SMARCA4: variants seen among roughly 807,000 people sequenced by gnomAD.
SMARCA4 encodes SWI/SNF related BAF chromatin remodeling complex subunit ATPase 4.
Under a neutral mutation model 193.9 loss-of-function variants are expected in SMARCA4, and 31 were observed. That is an observed-to-expected ratio of 0.16 (90% CI 0.12 to 0.22). The LOEUF (loss-of-function observed/expected upper bound fraction) is 0.22, where lower values mean the gene tolerates loss of function less well. Ranked by LOEUF, SMARCA4 falls within the 10% of genes least tolerant of loss-of-function variation. The pLI is 1.00. For missense variants in SMARCA4, 1,148 were observed against 2,296.0 expected (o/e 0.50, Z 10.22); for synonymous variants, 942 against 933.1 (o/e 1.01, Z -0.17).
At chr19:10,992,698 C>T (rs1192290294) in intron 8 of SMARCA4, among the ~76,000 whole-genome samples, 1 of 151,800 alleles carries the variant, frequency 6.6e-6, no homozygotes, top group Non-Finnish European at 1.5e-5. Flanking sequence ...AAGCGATTTT[C>T]CTGCCTCAGC....
chr19:11,048,773 C>T (rs77287598), intron 30 of SMARCA4, among the ~76,000 whole-genome samples: 11,836 of 152,236 alleles, frequency 0.078, 572 homozygotes, highest in African/African-American at 0.13. Context: ...ACTTGCAGCC[C>T]CCTAGTTCGT....
At chr19:10,961,643 C>T (rs2083816636) in intron 1 of SMARCA4, 1 of 152,232 alleles carries the variant, frequency 6.6e-6, no homozygotes, top group South Asian at 2.1e-4. Flanking sequence ...TGTCCGGCGT[C>T]GGCCGGACAC....
At chr19:11,014,601 C>T (rs2089181296) in intron 16 of SMARCA4, among the ~76,000 whole-genome samples, 2 of 152,154 alleles carry the variant, frequency 1.3e-5, no homozygotes, top group South Asian at 4.1e-4. Context: ...TCCCCTCTGC[C>T]CTTCTTCCCC....
At chr19:11,045,553 C>T (rs1160450481) in intron 30 of SMARCA4, among the ~76,000 whole-genome samples, 2 of 152,130 alleles carry the variant, frequency 1.3e-5, no homozygotes, top group Non-Finnish European at 2.9e-5. Flanking sequence ...TTCCATTACA[C>T]CTTGGTTTTT....
intron 8 of SMARCA4, among the ~76,000 whole-genome samples, chr19:10,994,449 G>A (rs2086839721): frequency 6.9e-6 from 1 of 145,800 alleles, no homozygotes; most frequent in Non-Finnish European, 1.5e-5. Context: ...TCAGCCTCCC[G>A]AGTAGCTGGG....
rs1317759934 is a variant in SMARCA4 at position 11,030,148 on chromosome 19, A to G, written c.3383-582A>G. On this transcript the variant is annotated intron_variant, in intron 24 of 34. Transcript: ENST00000344626. This position sits in a 1 kb window ranked among gnomAD's most constrained non-coding sequence, Gnocchi z 5.5. ...CTCCTTGACTTGGGTTTTCTGGGGC[A>G]TGGGGACACTGATCCTGCCAGAAAG... 4.6e-5 allele frequency among the ~76,000 whole-genome samples: 7 copies of G among 152,308 alleles called. No homozygotes were observed. The East Asian group carries it at 1.4e-3, about 29-fold the overall frequency.
At chr19:10,979,175 T>C (rs2085368872) in intron 1 of SMARCA4, among the ~76,000 whole-genome samples, 1 of 152,126 alleles carries the variant, frequency 6.6e-6, no homozygotes, top group African/African-American at 2.4e-5. Flanking sequence ...ACCGTGTGTG[T>C]AGATGATACA....
intron 14 of SMARCA4, 83 bp downstream of exon 14, chr19:11,008,106 CT>C: frequency 7.0e-7 from 1 of 1,436,856 alleles, no homozygotes; most frequent in Non-Finnish European, 9.6e-7. Context: ...CCAGCCATCC[CT>C]AGCTGACATT....
Position 11,019,880 on chromosome 19 carries a change from CCTAA to C in SMARCA4, c.2616+182_2616+185del, listed in dbSNP as rs753774412. Among the ~76,000 whole-genome samples, 15 of 152,224 alleles carry C rather than the reference CCTAA, an allele frequency of 9.9e-5. No individual in the cohort carries two copies. Among genetic ancestry groups the C allele is most frequent in the Non-Finnish European group, 1.8e-4 (12 of 68,024 alleles). On this transcript the variant is annotated intron_variant, in intron 18 of 34. Transcript: ENST00000344626. The surrounding 1 kb of genome is among the most constrained non-coding windows in gnomAD (Gnocchi z 6.1). ...GTGGGGGCGACCTCAGGTTTACCTCCCTAACTGTCTCCAGGCAGGCCCTGAGTCA... is the reference window on the plus strand; with the variant it reads ...GTGGGGGCGACCTCAGGTTTACCTCCCTGTCTCCAGGCAGGCCCTGAGTCA...
At position 10,986,485 on chromosome 19, in the gene SMARCA4, C is replaced by G. The variant is rs1220576417; in HGVS notation, c.652C>G (p.Pro218Ala). The change falls in exon 4 of 35, where the codon CCA becomes GCA. Residue 218 changes from proline (P) to alanine (A), a missense_variant. Around this residue, in one of 17 missense-constraint regions of SMARCA4, gnomAD observed 257 missense variants for 276.5 expected, o/e 0.93. Coordinates refer to ENST00000344626, the MANE Select transcript of SMARCA4 (RefSeq NM_003072.5). The surrounding 1 kb of genome is among the most constrained non-coding windows in gnomAD (Gnocchi z 6.7). ...GATGCCCGGGATGCAGCAGCAGATGCCAACGCTACCTCCACCCTCGGTGTC... is the reference window on the plus strand; with the variant it reads ...GATGCCCGGGATGCAGCAGCAGATGGCAACGCTACCTCCACCCTCGGTGTC... Reference protein sequence around the residue: ...RPMPGMQQQMPTLPPPSVSAT... With the variant: ...RPMPGMQQQMATLPPPSVSAT... 3 of 1,551,216 alleles carry G rather than the reference C, an allele frequency of 1.9e-6. No homozygotes were observed. Among genetic ancestry groups the G allele is most frequent in the Non-Finnish European group, 1.7e-6 (2 of 1,148,682 alleles).
intron 30 of SMARCA4, among the ~76,000 whole-genome samples, chr19:11,055,680 A>G (rs1050809140): frequency 6.6e-6 from 1 of 152,216 alleles, no homozygotes; most frequent in Non-Finnish European, 1.5e-5. Context: ...CCATGGCCAC[A>G]GGGCAGGGCG....
chr19:11,018,626 G>A (rs2089589979), intron 16 of SMARCA4, among the ~76,000 whole-genome samples: 1 of 152,232 alleles, frequency 6.6e-6, no homozygotes, highest in South Asian at 2.1e-4. Flanking sequence ...CTCTGAAGCT[G>A]CATTTTCCCG....
intron 29 of SMARCA4, among the ~76,000 whole-genome samples, chr19:11,039,072 G>A (rs996650141): frequency 6.6e-6 from 1 of 152,006 alleles, no homozygotes; most frequent in Non-Finnish European, 1.5e-5. Flanking sequence ...AAAAAAAAAT[G>A]CCAGGCACAG....
chr19:11,061,451 C>CT (rs2076890738), intron 34 of SMARCA4, among the ~76,000 whole-genome samples: 1 of 151,944 alleles, frequency 6.6e-6, no homozygotes, highest in Admixed American at 6.6e-5. Flanking sequence ...TCTCGGCTCA[C>CT]TGCAAGCTCC....
intron 30 of SMARCA4, among the ~76,000 whole-genome samples, chr19:11,043,446 A>G (rs527352557): frequency 1.3e-5 from 2 of 152,326 alleles, no homozygotes; most frequent in Admixed American, 1.3e-4. Context: ...CCTAACTCCA[A>G]GGCTAAGTCC....
chr19:11,049,485 G>GTTTTTTT (rs56043428), intron 30 of SMARCA4, among the ~76,000 whole-genome samples: 1 of 142,880 alleles, frequency 7.0e-6, no homozygotes. Context: ...TGGGTTCTGT[G>GTTTTTTT]TTTTTTTTTT....
At chr19:11,042,916 T>C (rs1036687944) in intron 30 of SMARCA4, among the ~76,000 whole-genome samples, 2 of 152,148 alleles carry the variant, frequency 1.3e-5, no homozygotes, top group African/African-American at 4.8e-5. Flanking sequence ...TGGAGGTTGC[T>C]GTGGACCAAG....
At chr19:11,059,091 A>G in intron 32 of SMARCA4, 2 of 569,414 alleles carry the variant, frequency 3.5e-6, no homozygotes, top group Non-Finnish European at 6.3e-6. Context: ...CCTGGGCAAC[A>G]TAACAAGACC....
rs1243522305 is a variant in SMARCA4, at chr19:10,994,809, CTT to C, written c.1420-16_1420-15del. 2 of 1,612,764 alleles carry C rather than the reference CTT, an allele frequency of 1.2e-6. No homozygotes were observed. Among genetic ancestry groups the C allele is most frequent in the South Asian group, 2.2e-5 (2 of 91,040 alleles). Reference sequence around the variant, plus strand: ...CATGCTGCTGAAGGGTCAGCCTTCTCTTTTGTGCTTTCCTGCAGGAATACCTC... The same window carrying C: ...CATGCTGCTGAAGGGTCAGCCTTCTCTTGTGCTTTCCTGCAGGAATACCTC... On this transcript the variant is annotated splice_polypyrimidine_tract_variant and intron_variant, in intron 8 of 34. Transcript: ENST00000344626.
Sources: gnomAD v4.1 joint callset for allele counts (sites outside exome capture counted in the v4.1 genomes callset) on GRCh38, gnomAD v4.1.1 for gene constraint, gnomAD v4.1.1 regional missense constraint, Gnocchi (gnomAD v3.1) non-coding constraint, MANE v1.5 for transcripts, NCBI Gene and HGNC (gene_info 2026-07-23, HGNC 2026-07-21) for gene names.